Variants in MCOLN2 observed in about 807,000 individuals in gnomAD.
MCOLN2 encodes mucolipin TRP cation channel 2, also known as mucolipin-2.
Under a neutral mutation model 67.5 loss-of-function variants are expected in MCOLN2, and 57 were observed. That is an observed-to-expected ratio of 0.84 (90% CI 0.68 to 1.05). The LOEUF (loss-of-function observed/expected upper bound fraction) is 1.05, where lower values mean the gene tolerates loss of function less well. Among genes scored for constraint, MCOLN2 ranks in the 50% least tolerant of loss-of-function variants. The probability of loss-of-function intolerance (pLI) is 0.00; values close to 1 mark genes in which losing one functional copy is unlikely to be tolerated. For missense variants in MCOLN2, 620 were observed against 678.8 expected, an observed-to-expected ratio of 0.91 and a Z score of 0.96; for synonymous variants, 246 against 233.3, an observed-to-expected ratio of 1.05 and a Z score of -0.50.
At chr1:84,939,743 C>CT in intron 8 of MCOLN2, 41 bp from the exon 9 acceptor site, 2 of 1,607,122 alleles carry the variant, frequency 1.2e-6, no homozygotes, top group Non-Finnish European at 1.7e-6. Flanking sequence ...ACAAACCACA[C>CT]TGCCCTCTGG....
At chr1:84,954,943 G>C (rs1237186967) in intron 4 of MCOLN2, among the ~76,000 whole-genome samples, 4 of 152,190 alleles carry the variant, frequency 2.6e-5, no homozygotes, top group Non-Finnish European at 5.9e-5. Context: ...CTAAGAGGGT[G>C]ATATGGTTTG....
chr1:84,953,410 C>T (rs543501771), intron 4 of MCOLN2, among the ~76,000 whole-genome samples: 18 of 151,920 alleles, frequency 1.2e-4, no homozygotes, highest in Non-Finnish European at 2.2e-4. Context: ...TTTAGCCGGG[C>T]GTGGTGGCGT....
chr1:84,929,521 C>G, intron 13 of MCOLN2, 37 bp downstream of exon 13: 1 of 1,565,278 alleles, frequency 6.4e-7, no homozygotes, highest in Non-Finnish European at 8.7e-7. Flanking sequence ...ACAGAACAGC[C>G]CATCTCAGGA....
intron 12 of MCOLN2, among the ~76,000 whole-genome samples, chr1:84,930,194 TG>T (rs1661341601): frequency 6.6e-6 from 1 of 151,816 alleles, no homozygotes; most frequent in Non-Finnish European, 1.5e-5. Context: ...GCCCTGGAGT[TG>T]GAGGCTATAA....
At chr1:84,993,702 C>T (rs1029404145) in intron 1 of MCOLN2, among the ~76,000 whole-genome samples, 8 of 149,300 alleles carry the variant, frequency 5.4e-5, no homozygotes, top group South Asian at 2.1e-4. Context: ...GCAATCTCGG[C>T]TCACTGCAAG....
rs926623775 is a variant in MCOLN2, at chr1:84,929,572, G to C, written c.1650C>G (p.Ile550Met). The C allele has an allele frequency of 1.2e-6, 2 of 1,613,240 alleles. No individual in the cohort carries two copies. Among genetic ancestry groups the C allele is most frequent in the Non-Finnish European group, 1.7e-6 (2 of 1,179,412 alleles). Residue 550 changes from isoleucine (I) to methionine (M), a missense_variant, in exon 13 of 14, where the codon ATC becomes ATG. By Grantham distance (10) the Ile-to-Met change is conservative. Coordinates refer to ENST00000370608, the MANE Select transcript of MCOLN2 (RefSeq NM_153259.4). ...QKESSAFLSC[I>M]CCRRRKRSDD... ...ATGATACTGACCTCCTCCGACAGCAGATGCAGGACAGGAAGGCTGAGGACT... is the reference window on the plus strand; with the variant it reads ...ATGATACTGACCTCCTCCGACAGCACATGCAGGACAGGAAGGCTGAGGACT...
intron 11 of MCOLN2, among the ~76,000 whole-genome samples, chr1:84,936,078 A>G (rs1269680816): frequency 6.6e-6 from 1 of 152,186 alleles, no homozygotes; most frequent in East Asian, 1.9e-4. Context: ...TAGCTGGGTA[A>G]TCTCAGGAAT....
At chr1:84,938,882 C>T (rs1409033617) in intron 9 of MCOLN2, among the ~76,000 whole-genome samples, 2 of 152,116 alleles carry the variant, frequency 1.3e-5, no homozygotes, top group East Asian at 3.9e-4. Flanking sequence ...AGAAAAGTCC[C>T]TCTGACAGCT....
chr1:84,956,615 T>C (rs1648809250), intron 3 of MCOLN2, 31 bp from the exon 4 acceptor site: 1 of 1,541,312 alleles, frequency 6.5e-7, no homozygotes. Context: ...AAAAACCACA[T>C]ATGACCTTTT....
At chr1:84,947,321 C>CACAA (rs908974903) in intron 6 of MCOLN2, among the ~76,000 whole-genome samples, 189 bp from the exon 7 acceptor site, 1 of 151,984 alleles carries the variant, frequency 6.6e-6, no homozygotes, top group African/African-American at 2.4e-5. Context: ...CACACACACA[C>CACAA]ACACACACGG....
chr1:84,965,378 T>C lies in MCOLN2; in HGVS notation c.237+171A>G, dbSNP rs372280922. Among the ~76,000 whole-genome samples, 9 of 152,270 alleles carry C rather than the reference T, an allele frequency of 5.9e-5. No individual in the cohort carries two copies. In the East Asian group the frequency reaches 1.5e-3, roughly 26 times the overall value. ...CTCAGGATCTCTTACTATGACAAGG[T>C]TGTCTTCTAAACAGAACTTCAACCT... On this transcript the variant is annotated intron_variant, in intron 2 of 13. Coordinates refer to ENST00000370608, the MANE Select transcript of MCOLN2 (RefSeq NM_153259.4).
chr1:84,958,813 A>AT (rs1164653761), intron 2 of MCOLN2, 111 bp from the exon 3 acceptor site: 21 of 820,398 alleles, frequency 2.6e-5, no homozygotes, highest in South Asian at 8.7e-5. Context: ...AATAATATCA[A>AT]TTTTTTTTGG....
chr1:84,985,572 C>T (rs916286555), intron 1 of MCOLN2, among the ~76,000 whole-genome samples: 1 of 152,096 alleles, frequency 6.6e-6, no homozygotes, highest in Non-Finnish European at 1.5e-5. Context: ...CTCAAACCTG[C>T]CCTCCACCTG....
At chr1:84,955,896 A>C (rs1467179112) in intron 4 of MCOLN2, among the ~76,000 whole-genome samples, 3 of 152,230 alleles carry the variant, frequency 2.0e-5, no homozygotes, top group Admixed American at 1.3e-4. Flanking sequence ...TCTTAAGCCA[A>C]ACACCTCGTA....
At position 84,996,944 on chromosome 1, in the gene MCOLN2, T is replaced by C; in HGVS notation, c.-72A>G. 7.2e-7 allele frequency: 1 copy of C among 1,393,918 alleles called. No homozygotes were observed. Among genetic ancestry groups the C allele is most frequent in the Non-Finnish European group, 1.0e-6 (1 of 985,484 alleles). 86.3% of individuals were successfully genotyped at this position (1,393,918 alleles called of 1,614,324 possible). A position where few individuals can be genotyped will look rare whatever the true frequency, so the allele number is the denominator to read the frequency against. ...AAACACCGTTCACGGCCGACTCATT[T>C]CGCCCTCGCCGTAACGCGTCCGCCG... On this transcript the variant is annotated 5_prime_UTR_variant, in exon 1 of 14. Transcript: ENST00000370608.
At chr1:84,930,044 C>T (rs1308658631) in intron 12 of MCOLN2, among the ~76,000 whole-genome samples, 1 of 152,038 alleles carries the variant, frequency 6.6e-6, no homozygotes, top group Non-Finnish European at 1.5e-5. Flanking sequence ...GGGAGGATCG[C>T]TTGAGCCCAG....
chr1:84,966,821 G>A lies in MCOLN2; in HGVS notation c.78-1113C>T, dbSNP rs139104126. 2.8e-4 allele frequency among the ~76,000 whole-genome samples: 43 copies of A among 152,150 alleles called. 1 individual carries two copies. The East Asian group carries it at 5.0e-3, about 18-fold the overall frequency. The stretch of plus-strand genomic sequence containing the variant: ...GACTGTTATTGTAGTCCCCAAAGTG[G>A]AGTGCCGAAAACAATCCATTGGGAG... On this transcript the variant is annotated intron_variant, in intron 1 of 13. Transcript: ENST00000370608.
At chr1:84,982,996 G>A (rs1256509066) in intron 1 of MCOLN2, among the ~76,000 whole-genome samples, 1 of 152,118 alleles carries the variant, frequency 6.6e-6, no homozygotes, top group Non-Finnish European at 1.5e-5. Context: ...GGGATTACAG[G>A]GGTGAGCCAC....
chr1:84,964,613 T>C (rs1381338734), intron 2 of MCOLN2, among the ~76,000 whole-genome samples: 4 of 152,072 alleles, frequency 2.6e-5, no homozygotes, highest in African/African-American at 9.7e-5. Flanking sequence ...CATTATAATA[T>C]ATAATGAAAC....
Sources: allele counts gnomAD v4.1 joint callset (sites outside exome capture counted in the v4.1 genomes callset), GRCh38; gene constraint gnomAD v4.1.1; transcripts MANE v1.5; gene names NCBI Gene and HGNC (gene_info 2026-07-23, HGNC 2026-07-21).